The following PLXNC1 variants were observed in gnomAD, a reference collection of about 807,000 sequenced individuals.
PLXNC1 encodes plexin-C1.
A neutral mutation model predicts 178.2 loss-of-function variants in PLXNC1; 75 were observed. The ratio of observed to expected loss-of-function variants is 0.42; its 90% CI spans 0.35 to 0.51. The LOEUF (loss-of-function observed/expected upper bound fraction) is 0.51, where lower values mean the gene tolerates loss of function less well. Ranked by LOEUF, PLXNC1 falls within the 20% of genes least tolerant of loss-of-function variation. The probability of loss-of-function intolerance (pLI) is 0.02; values close to 1 mark genes in which losing one functional copy is unlikely to be tolerated. For synonymous variants in PLXNC1, 790 were observed against 779.9 expected (o/e 1.01, Z -0.22); for missense variants, 1,503 against 1,984.4 (o/e 0.76, Z 4.61).
intron 4 of PLXNC1, among the ~76,000 whole-genome samples, chr12:94,196,211 G>T (rs1344644373): frequency 2.0e-5 from 3 of 152,170 alleles, no homozygotes; most frequent in African/African-American, 7.2e-5. Context: ...TAGATGTTTT[G>T]TCTCCTCCAA....
chr12:94,205,423 T>C (rs1311650895), intron 4 of PLXNC1, among the ~76,000 whole-genome samples: 3 of 152,228 alleles, frequency 2.0e-5, no homozygotes, highest in Non-Finnish European at 4.4e-5. Context: ...CTGCTATTGT[T>C]TATTGCAAAT....
At chr12:94,256,682 A>G (rs1324464765) in intron 17 of PLXNC1, among the ~76,000 whole-genome samples, 3 of 152,224 alleles carry the variant, frequency 2.0e-5, no homozygotes, top group Admixed American at 6.5e-5. Flanking sequence ...ATTTTTGACT[A>G]TCAACATGAA....
In PLXNC1 at chr12:94,169,233, C is replaced by G; in HGVS notation, c.1143C>G (p.Gly381=). The G allele has an allele frequency of 6.2e-7, 1 of 1,613,878 alleles. No homozygotes were observed. Among genetic ancestry groups the G allele is most frequent in the South Asian group, 1.1e-5 (1 of 91,074 alleles). Residue 381 remains glycine (G), a synonymous_variant, in exon 2 of 31, where the codon GGC becomes GGG. Transcript: ENST00000258526. ...LIHSDLTSVY[G]TVVMNRTVLF... is the part of the protein sequence containing the mutation. Reference sequence around the variant, plus strand: ...ATTCCGACCTGACATCCGTTTATGGCACCGTGGTAATGAACAGGACTGTTT... The same window carrying G: ...ATTCCGACCTGACATCCGTTTATGGGACCGTGGTAATGAACAGGACTGTTT...
At chr12:94,177,163 ATATATATATATACGTATATATATG>A (rs1565794227) in intron 2 of PLXNC1, among the ~76,000 whole-genome samples, 2 of 61,508 alleles carry the variant, frequency 3.3e-5, no homozygotes, top group Non-Finnish European at 5.8e-5. Flanking sequence ...ATATATATGT[ATATATATATATACGTATATATATG>A]TATATATATA....
chr12:94,262,722 C>A, intron 20 of PLXNC1: 1 of 985,462 alleles, frequency 1.0e-6, no homozygotes, highest in Non-Finnish European at 1.2e-6. Context: ...CTGTCCTACC[C>A]CACAGACGTT....
intron 4 of PLXNC1, among the ~76,000 whole-genome samples, chr12:94,196,391 C>T (rs949035296): frequency 2.0e-5 from 3 of 152,054 alleles, no homozygotes. Context: ...GTGGCACCTG[C>T]CCCCTCACAG....
At chr12:94,302,627 T>C (rs1968577563) in intron 28 of PLXNC1, among the ~76,000 whole-genome samples, 1 of 152,168 alleles carries the variant, frequency 6.6e-6, no homozygotes, top group Non-Finnish European at 1.5e-5. Context: ...CCAAATAAGG[T>C]AGTTATTATT....
rs1592715076 is a variant in PLXNC1 at position 94,154,165 on chromosome 12, T to A, written c.1062+4132T>A. On this transcript the variant is annotated intron_variant, in intron 1 of 30. Coordinates refer to ENST00000258526, the MANE Select transcript of PLXNC1 (RefSeq NM_005761.3). The stretch of plus-strand genomic sequence containing the variant: ...TTTTGTGTGAAGCAATTTACATGCC[T>A]TATTTTCTGTTGATTCTCATTCACC... Among the ~76,000 whole-genome samples the A allele has an allele frequency of 3.3e-5, 5 of 152,376 alleles. No homozygotes were observed. In the South Asian group the frequency reaches 1.0e-3, roughly 32 times the overall value.
chr12:94,214,230 G>A (rs1963578539), intron 5 of PLXNC1, among the ~76,000 whole-genome samples: 1 of 151,048 alleles, frequency 6.6e-6, no homozygotes, highest in Non-Finnish European at 1.5e-5. Context: ...GACTACAGGT[G>A]TGAACCACCA....
At chr12:94,242,972 C>T (rs144249907) in intron 11 of PLXNC1, among the ~76,000 whole-genome samples, 6 of 152,350 alleles carry the variant, frequency 3.9e-5, no homozygotes, top group East Asian at 1.9e-4. Context: ...CTGTCACCTG[C>T]GACATTCTGA....
In PLXNC1 at chr12:94,239,259, C is replaced by G. The variant is rs143202455; in HGVS notation, c.2121-1226C>G. On this transcript the variant is annotated intron_variant, in intron 10 of 30. Coordinates refer to ENST00000258526, the MANE Select transcript of PLXNC1 (RefSeq NM_005761.3). ...TGAGCCCAGGCTGTAATCCCAAGCT[C>G]TTTTAATATGGTACTTTTAAAATGG... 7.4e-3 allele frequency among the ~76,000 whole-genome samples: 1,130 copies of G among 152,278 alleles called. 7 individuals are homozygous for G. Among genetic ancestry groups the G allele is most frequent in the Non-Finnish European group, 0.01 (707 of 68,026 alleles).
At chr12:94,221,229 A>C (rs985124124) in intron 6 of PLXNC1, among the ~76,000 whole-genome samples, 92 of 152,372 alleles carry the variant, frequency 6.0e-4, no homozygotes, top group African/African-American at 2.0e-3. Flanking sequence ...AGGCATTCAC[A>C]ATCAATAAAT....
At position 94,191,763 on chromosome 12, in the gene PLXNC1, C is replaced by A. The variant is rs1190473456; in HGVS notation, c.1439+5290C>A. ...CCAGCCTGGGTGACAGAGTGAAACT[C>A]CATCTCAAAAAAAAAAAGGGAATAG... On this transcript the variant is annotated intron_variant, in intron 4 of 30. Transcript: ENST00000258526. Among the ~76,000 whole-genome samples, 10 of 108,728 alleles carry A rather than the reference C, an allele frequency of 9.2e-5. No homozygotes were observed. In the Admixed American group the frequency reaches 1.0e-3, roughly 11 times the overall value. The allele number at this position is 108,728 out of a possible 152,430, so 71.3% of individuals were successfully genotyped here.
At chr12:94,215,832 A>G (rs1487629271) in intron 5 of PLXNC1, among the ~76,000 whole-genome samples, 3 of 152,212 alleles carry the variant, frequency 2.0e-5, no homozygotes, top group African/African-American at 7.2e-5. Context: ...TGATATGTAA[A>G]GCAAAGTCAC....
chr12:94,205,523 GA>G, intron 4 of PLXNC1, among the ~76,000 whole-genome samples: 1 of 152,136 alleles, frequency 6.6e-6, no homozygotes, highest in East Asian at 1.9e-4. Flanking sequence ...TTCTATGGGG[GA>G]AAAATGCATT....
At chr12:94,269,381 C>T (rs1364218490) in intron 21 of PLXNC1, among the ~76,000 whole-genome samples, 1 of 152,144 alleles carries the variant, frequency 6.6e-6, no homozygotes, top group Non-Finnish European at 1.5e-5. Flanking sequence ...AGGTTTATGC[C>T]AGCCTACCCC....
chr12:94,215,184 C>T (rs368606109), intron 5 of PLXNC1, among the ~76,000 whole-genome samples: 20 of 152,314 alleles, frequency 1.3e-4, no homozygotes, highest in African/African-American at 4.6e-4. Context: ...AGGCGTGAGC[C>T]ACCGTGCCCA....
At chr12:94,276,755 T>A (rs1965993723) in intron 21 of PLXNC1, among the ~76,000 whole-genome samples, 1 of 152,186 alleles carries the variant, frequency 6.6e-6, no homozygotes, top group Non-Finnish European at 1.5e-5. Flanking sequence ...GCCCACCAGC[T>A]CCCTGCCTTC....
At chr12:94,195,648 A>G (rs1468260893) in intron 4 of PLXNC1, among the ~76,000 whole-genome samples, 2 of 152,028 alleles carry the variant, frequency 1.3e-5, no homozygotes, top group African/African-American at 2.4e-5. Context: ...ATATTTTTCT[A>G]CATGTTTCTT....
Sources: gnomAD v4.1 joint callset for allele counts (sites outside exome capture counted in the v4.1 genomes callset) on GRCh38, gnomAD v4.1.1 for gene constraint, MANE v1.5 for transcripts, NCBI Gene and HGNC (gene_info 2026-07-23, HGNC 2026-07-21) for gene names.